The following SCG2 variants were observed in gnomAD, a reference collection of about 807,000 sequenced individuals.
The protein encoded by SCG2 is secretogranin II.
SCG2 carries 23 observed loss-of-function variants against 49.5 expected under a neutral mutation model. That is an observed-to-expected ratio of 0.46 (90% CI 0.33 to 0.66). The LOEUF (loss-of-function observed/expected upper bound fraction) is 0.66, where lower values mean the gene tolerates loss of function less well. SCG2 is among the 30% of genes least tolerant of loss of function. SCG2 has a pLI of 0.01. For synonymous variants in SCG2, 288 were observed against 260.4 expected, an observed-to-expected ratio of 1.11 and a Z score of -1.02; for missense variants, 730 against 728.2, an observed-to-expected ratio of 1.00 and a Z score of -0.03.
rs138489392 is a variant in SCG2, at chr2:223,600,561, A to C, written c.-14-1265T>G. On this transcript the variant is annotated intron_variant, in intron 1 of 1. Coordinates refer to ENST00000305409, the MANE Select transcript of SCG2 (RefSeq NM_003469.5). ...GTAAGAGGAGTTTACAAGTTTGTTC[A>C]TATCTTTACCAGATCATGGTTTTGT... Among the ~76,000 whole-genome samples the C allele has an allele frequency of 5.4e-3, 822 of 152,246 alleles. 4 individuals are homozygous for C. Among genetic ancestry groups the C allele is most frequent in the African/African-American group, 0.019 (785 of 41,560 alleles).
At position 223,597,594 on chromosome 2, in the gene SCG2, G is replaced by A. The variant is rs774414578; in HGVS notation, c.1689C>T (p.Ala563=). 28 of 1,613,912 alleles carry A rather than the reference G, an allele frequency of 1.7e-5. No homozygotes were observed. In the South Asian group the frequency reaches 1.9e-4, roughly 11 times the overall value. The change falls in exon 2 of 2, where the codon GCC becomes GCT. Residue 563 remains alanine, a synonymous_variant. Transcript: ENST00000305409. The part of the protein sequence containing the change: ...QGSSQETDKL[A]PVSKRFPVGP... ...CCACAGGGAACCTTTTGCTCACCGG[G>A]GCCAGCTTGTCAGTCTCCTGAGAGC...
rs181367377 is a variant in SCG2, at chr2:223,597,354, T to C, written c.*75A>G. ...TATTACAGTGTTAACAGGATAGAAGTCAACACACTGAAGAGAAATGTTGGG... is the reference window on the plus strand; with the variant it reads ...TATTACAGTGTTAACAGGATAGAAGCCAACACACTGAAGAGAAATGTTGGG... On this transcript the variant is annotated 3_prime_UTR_variant, in exon 2 of 2. Coordinates refer to ENST00000305409, the MANE Select transcript of SCG2 (RefSeq NM_003469.5). The C allele has an allele frequency of 1.7e-5, 26 of 1,513,120 alleles. No individual in the cohort carries two copies. In the Admixed American group the frequency reaches 5.6e-4, roughly 33 times the overall value. 93.7% of individuals were successfully genotyped at this position (1,513,120 alleles called of 1,614,324 possible).
chr2:223,597,667 T>C lies in SCG2; in HGVS notation c.1616A>G (p.Glu539Gly), dbSNP rs1232413871. The change falls in exon 2 of 2, where the codon GAA (glutamate) becomes GGA (glycine). Residue 539 changes from glutamate (E) to glycine (G), a missense_variant. Glu to Gly is a moderately conservative substitution (Grantham distance 98). Transcript: ENST00000305409. ...GATGGCCTGCTCAATTTGTTCCTCT[T>C]CCTGCAGGTCATCTTCAGATGAGCC... ...GQGSSEDDLQ[E>G]EEQIEQAIKE... 1.9e-6 allele frequency: 3 copies of C among 1,614,058 alleles called. No individual in the cohort carries two copies. The Admixed American group carries it at 5.0e-5, about 27-fold the overall frequency.
rs763799045 is a variant in SCG2, at chr2:223,599,000, C to T, written c.283G>A (p.Asp95Asn). ...SVPLQQKENG[D>N]ESHLPERDSL... ...TCCCTCTCGGGCAAGTGGCTTTCAT[C>T]GCCATTTTCTTTTTGCTGAAGGGGG... The change falls in exon 2 of 2, where the codon GAT becomes AAT. Residue 95 changes from aspartate to asparagine, a missense_variant. Coordinates refer to ENST00000305409, the MANE Select transcript of SCG2 (RefSeq NM_003469.5). The T allele has an allele frequency of 1.1e-5, 18 of 1,614,168 alleles. 1 individual carries two copies. The highest frequency in any genetic ancestry group is 1.6e-4 in the Middle Eastern group (1 of 6,062).
intron 1 of SCG2, among the ~76,000 whole-genome samples, chr2:223,601,922 G>T (rs141521138): frequency 6.6e-6 from 1 of 152,162 alleles, no homozygotes; most frequent in Non-Finnish European, 1.5e-5. Flanking sequence ...CCCTGGCTTC[G>T]TATCTGGCTC....
Position 223,598,926 on chromosome 2 carries a change from T to C in SCG2, c.357A>G (p.Arg119=). The part of the protein sequence containing the change: ...DWMRIILEAL[R]QAENEPQSAP... Reference sequence around the variant, plus strand: ...CAGACTGAGGCTCATTTTCAGCCTGTCTCAAAGCTTCGAGTATTATTCTCA... The same window carrying C: ...CAGACTGAGGCTCATTTTCAGCCTGCCTCAAAGCTTCGAGTATTATTCTCA... The change falls in exon 2 of 2, where the codon AGA becomes AGG. Residue 119 remains arginine (R), a synonymous_variant. Transcript: ENST00000305409. 2.5e-6 allele frequency: 4 copies of C among 1,614,228 alleles called. No homozygotes were observed. Among genetic ancestry groups the C allele is most frequent in the Non-Finnish European group, 3.4e-6 (4 of 1,180,036 alleles).
At chr2:223,600,596 G>T (rs1311414206) in intron 1 of SCG2, among the ~76,000 whole-genome samples, 1 of 152,036 alleles carries the variant, frequency 6.6e-6, no homozygotes, top group African/African-American at 2.4e-5. Flanking sequence ...TGATAGATAA[G>T]CTAAGTTATA....
chr2:223,599,316 G>C lies in SCG2; in HGVS notation c.-14-20C>G. ...GATTTCCTTAAAACATAAAAAATAT[G>C]AGTTACACAAATGAAACAAACTAGA... is the stretch of plus-strand genomic sequence containing the variant. On this transcript the variant is annotated intron_variant, in intron 1 of 1. Coordinates refer to ENST00000305409, the MANE Select transcript of SCG2 (RefSeq NM_003469.5). 1 of 1,525,624 alleles carries C rather than the reference G, an allele frequency of 6.6e-7. No homozygotes were observed. The highest frequency in any genetic ancestry group is 1.4e-5 in the African/African-American group (1 of 71,916). 94.5% of individuals were successfully genotyped at this position (1,525,624 alleles called of 1,614,324 possible).
At position 223,598,790 on chromosome 2, in the gene SCG2, G is replaced by C. The variant is rs1343258284; in HGVS notation, c.493C>G (p.Gln165Glu). 4 of 1,614,038 alleles carry C rather than the reference G, an allele frequency of 2.5e-6. No homozygotes were observed. Among genetic ancestry groups the C allele is most frequent in the East Asian group, 2.2e-5 (1 of 44,880 alleles). The change falls in exon 2 of 2, where the codon CAA (glutamine) becomes GAA (glutamate). Residue 165 changes from glutamine to glutamate, a missense_variant. Physicochemically the swap from Gln to Glu is conservative, Grantham distance 29 (BLOSUM62 2). Transcript: ENST00000305409. ...TTCTCTTCATACATAGGAGGGAATT[G>C]CATGTGCTTAAGCTTTCTTTCTGGC... ...QWPERKLKHM[Q>E]FPPMYEENSR...
chr2:223,598,062 AT>A lies in SCG2; in HGVS notation c.1220del (p.Asn407IlefsTer31). 6.2e-7 allele frequency: 1 copy of A among 1,605,140 alleles called. No homozygotes were observed. Among genetic ancestry groups the A allele is most frequent in the Non-Finnish European group, 8.5e-7 (1 of 1,175,696 alleles). Reference sequence around the variant, plus strand: ...GGTAGCCACTCTTGGAGAGCATCCTATTTTGGAACAGGTCTGGATGGTCTAA... The same window carrying A: ...GGTAGCCACTCTTGGAGAGCATCCTATTTGGAACAGGTCTGGATGGTCTAA... ...ADLDHPDLFQNRMLSKSGYPK... is the reference protein window; with the variant it reads ...ADLDHPDLFQXRMLSKSGYPK... On this transcript the variant is annotated frameshift_variant, in exon 2 of 2. Transcript: ENST00000305409. LOFTEE classifies it high-confidence loss of function.
chr2:223,599,286 T>G lies in SCG2; in HGVS notation c.-4A>C. On this transcript the variant is annotated 5_prime_UTR_variant, in exon 2 of 2. Coordinates refer to ENST00000305409, the MANE Select transcript of SCG2 (RefSeq NM_003469.5). ...AGTGGGTCTTTGCTTCAGCCATGTT[T>G]GAAAGATTTCCTTAAAACATAAAAA... 6.4e-7 allele frequency: 1 copy of G among 1,556,748 alleles called. No individual in the cohort carries two copies.
In SCG2 at chr2:223,598,020, A is replaced by AAC; in HGVS notation, c.1262_1263insGT (p.Ala422LeufsTer17). The AAC allele has an allele frequency of 6.2e-7, 1 of 1,612,952 alleles. No homozygotes were observed. ...CGTCTGGTAGGGCCTCAGTCCCAGC[A>AAC]CGACCAGGTGTTTTAGGGTAGCCAC... On this transcript the variant is annotated frameshift_variant, in exon 2 of 2. Coordinates refer to ENST00000305409, the MANE Select transcript of SCG2 (RefSeq NM_003469.5). LOFTEE classifies it high-confidence loss of function.
In SCG2 at chr2:223,597,765, C is replaced by T. The variant is rs1238001462; in HGVS notation, c.1518G>A (p.Glu506=). 1 of 1,614,164 alleles carries T rather than the reference C, an allele frequency of 6.2e-7. No individual in the cohort carries two copies. Among genetic ancestry groups the T allele is most frequent in the East Asian group, 2.2e-5 (1 of 44,886 alleles). Residue 506 remains glutamate (E), a synonymous_variant, in exon 2 of 2, where the codon GAG becomes GAA. Coordinates refer to ENST00000305409, the MANE Select transcript of SCG2 (RefSeq NM_003469.5). ...ATTTAACTAGCATCCTGGCCAAGTA[C>T]TCACCTAATTCTTGATCCTTGTCGT... ...NLNDKDQELG[E]YLARMLVKYP...
At chr2:223,599,347 C>A in intron 1 of SCG2, 51 bp from the exon 2 acceptor site, 2 of 1,422,680 alleles carry the variant, frequency 1.4e-6, no homozygotes. Flanking sequence ...CTAGAAGACA[C>A]TATAGCAAAA....
Position 223,598,228 on chromosome 2 carries a change from A to G in SCG2, c.1055T>C (p.Ile352Thr), listed in dbSNP as rs879093467. The change falls in exon 2 of 2, where the codon ATT (isoleucine) becomes ACT (threonine). Residue 352 changes from isoleucine to threonine, a missense_variant. By Grantham distance (89) the Ile-to-Thr change is moderately conservative (BLOSUM62 -1). Coordinates refer to ENST00000305409, the MANE Select transcript of SCG2 (RefSeq NM_003469.5). Reference protein sequence around the residue: ...PLDSQSIYQLIEISRNLQIPP... With the variant: ...PLDSQSIYQLTEISRNLQIPP... Reference sequence around the variant, plus strand: ...TATCTGTAAATTCCTTGAGATTTCAATCAGCTGATAAATAGACTGAGAATC... The same window carrying G: ...TATCTGTAAATTCCTTGAGATTTCAGTCAGCTGATAAATAGACTGAGAATC... 3.1e-6 allele frequency: 5 copies of G among 1,614,178 alleles called. No individual in the cohort carries two copies. The South Asian group carries it at 4.4e-5, about 14-fold the overall frequency.
At chr2:223,600,771 G>T (rs1378869350) in intron 1 of SCG2, among the ~76,000 whole-genome samples, 2 of 152,010 alleles carry the variant, frequency 1.3e-5, no homozygotes, top group Non-Finnish European at 2.9e-5. Flanking sequence ...ACGTTTACCA[G>T]AGTACTTAAT....
rs1423829687 is a variant in SCG2, at chr2:223,597,039, A to T, written c.*390T>A. On this transcript the variant is annotated 3_prime_UTR_variant, in exon 2 of 2. Coordinates refer to ENST00000305409, the MANE Select transcript of SCG2 (RefSeq NM_003469.5). ...TTATAATGCTTTATTTTTTTGGTCC[A>T]GTACTCCACAAAACACTACAGACAG... 1 of 157,280 alleles carries T rather than the reference A, an allele frequency of 6.4e-6. No homozygotes were observed. Among genetic ancestry groups the T allele is most frequent in the Non-Finnish European group, 1.4e-5 (1 of 71,358 alleles). 9.7% of individuals were successfully genotyped at this position (157,280 alleles called of 1,614,324 possible).
At chr2:223,601,217 G>A (rs1691384288) in intron 1 of SCG2, among the ~76,000 whole-genome samples, 1 of 152,110 alleles carries the variant, frequency 6.6e-6, no homozygotes, top group Non-Finnish European at 1.5e-5. Context: ...AGACCCAAAG[G>A]ATTCTTTTCC....
Position 223,597,108 on chromosome 2 carries a change from A to ATTTTTTT in SCG2, c.*320_*321insAAAAAAA. On this transcript the variant is annotated 3_prime_UTR_variant, in exon 2 of 2. Coordinates refer to ENST00000305409, the MANE Select transcript of SCG2 (RefSeq NM_003469.5). ...AATATTAAAAACTTTCAATAGAATTATAGGACACTTTTTTATCATATGTGA... is the reference window on the plus strand; with the variant it reads ...AATATTAAAAACTTTCAATAGAATTATTTTTTTTAGGACACTTTTTTATCATATGTGA... 1 of 203,330 alleles carries ATTTTTTT rather than the reference A, an allele frequency of 4.9e-6. No homozygotes were observed. The highest frequency in any genetic ancestry group is 1.2e-4 in the East Asian group (1 of 8,504). The allele number at this position is 203,330 out of a possible 1,614,324, so 12.6% of individuals were successfully genotyped here. A position where few individuals can be genotyped will look rare whatever the true frequency, so the allele number is the denominator to read the frequency against.
Sources: gnomAD v4.1 joint callset for allele counts (sites outside exome capture counted in the v4.1 genomes callset) on GRCh38, gnomAD v4.1.1 for gene constraint, MANE v1.5 for transcripts, NCBI Gene and HGNC (gene_info 2026-07-23, HGNC 2026-07-21) for gene names.